CA10: variants seen among roughly 807,000 people sequenced by gnomAD.
The protein encoded by CA10 is carbonic anhydrase 10 (inactive).
Under a neutral mutation model 44.2 loss-of-function variants are expected in CA10, and 14 were observed. The ratio of observed to expected loss-of-function variants is 0.32; its 90% confidence interval spans 0.21 to 0.50. CA10 has a LOEUF of 0.50. Ranked by LOEUF, CA10 falls within the 20% of genes least tolerant of loss-of-function variation. The pLI is 0.99. For synonymous variants in CA10, 159 were observed against 141.6 expected (o/e 1.12, Z -0.87); for missense variants, 350 against 409.7 (o/e 0.85, Z 1.26).
At chr17:51,713,903 T>C (rs1056573339) in intron 4 of CA10, among the ~76,000 whole-genome samples, 4 of 152,238 alleles carry the variant, frequency 2.6e-5, no homozygotes, top group Admixed American at 2.6e-4. Context: ...TCCCTGGTAC[T>C]GACCTGATGT....
At chr17:51,996,328 A>C (rs1985233474) in intron 2 of CA10, among the ~76,000 whole-genome samples, 2 of 70,010 alleles carry the variant, frequency 2.9e-5, no homozygotes, top group Admixed American at 3.5e-4. Context: ...CTCCTTCAGA[A>C]ATAGCTCATA....
At chr17:52,137,283 A>G (rs1389879557) in intron 1 of CA10, among the ~76,000 whole-genome samples, 3 of 152,166 alleles carry the variant, frequency 2.0e-5, no homozygotes, top group Non-Finnish European at 4.4e-5. Context: ...GGGGAGAACA[A>G]CTATCCATTT....
Position 51,635,894 on chromosome 17 carries a change from C to A in CA10, c.750G>T (p.Trp250Cys), listed in dbSNP as rs1298400325. Reference sequence around the variant, plus strand: ...TATAGACAGGTTTGTTCATTATGATCCAACTTGCTGTCTCATAGCAGGGTG... The same window carrying A: ...TATAGACAGGTTTGTTCATTATGATACAACTTGCTGTCTCATAGCAGGGTG... ...TIPPCYETAS[W>C]IIMNKPVYIT... The change falls in exon 7 of 9, where the codon TGG becomes TGT. Residue 250 changes from tryptophan to cysteine, a missense_variant. By Grantham distance (215) the Trp-to-Cys change is radical. Transcript: ENST00000451037. 3 of 1,608,120 alleles carry A rather than the reference C, an allele frequency of 1.9e-6. No homozygotes were observed. The highest frequency in any genetic ancestry group is 2.6e-6 in the Non-Finnish European group (3 of 1,176,336).
chr17:51,863,268 A>G (rs1212961085), intron 3 of CA10, among the ~76,000 whole-genome samples: 1 of 152,228 alleles, frequency 6.6e-6, no homozygotes, highest in African/African-American at 2.4e-5. Flanking sequence ...GTTATTCCAT[A>G]CGCTGCTCTT....
intron 3 of CA10, among the ~76,000 whole-genome samples, chr17:51,752,947 A>G (rs904833898): frequency 6.6e-6 from 1 of 152,138 alleles, no homozygotes; most frequent in Non-Finnish European, 1.5e-5. Context: ...AAATAAAATA[A>G]AAAACAAGTA....
At position 52,048,044 on chromosome 17, in the gene CA10, T is replaced by TA. The variant is rs5820901; in HGVS notation, c.136+24274dup. ...TCCAATCTCCCACACCCACAAAAAT[T>TA]AAAAAAAAAAAAAACATTTGTTTTT... On this transcript the variant is annotated intron_variant, in intron 2 of 8. Transcript: ENST00000451037. Among the ~76,000 whole-genome samples the TA allele has an allele frequency of 1.3e-3, 191 of 149,508 alleles. 7 individuals are homozygous for TA. In the South Asian group the frequency reaches 0.024, roughly 19 times the overall value.
intron 3 of CA10, among the ~76,000 whole-genome samples, chr17:51,789,070 C>T (rs536406411): frequency 4.6e-5 from 7 of 152,208 alleles, no homozygotes; most frequent in Admixed American, 1.3e-4. Context: ...AGTGCAGTGG[C>T]GCGATCTCAG....
intron 2 of CA10, among the ~76,000 whole-genome samples, chr17:52,065,514 T>G (rs1275484407): frequency 6.6e-6 from 1 of 152,162 alleles, no homozygotes; most frequent in East Asian, 1.9e-4. Context: ...TGGGAAGAGA[T>G]AAGGTCCCTA....
intron 2 of CA10, among the ~76,000 whole-genome samples, chr17:52,010,092 A>T (rs1326955983): frequency 2.0e-5 from 3 of 152,114 alleles, no homozygotes; most frequent in South Asian, 2.1e-4. Context: ...TAAAAAAATT[A>T]AAAAATAATA....
intron 4 of CA10, among the ~76,000 whole-genome samples, chr17:51,657,387 T>A (rs1303130183): frequency 6.6e-6 from 1 of 152,216 alleles, no homozygotes; most frequent in Non-Finnish European, 1.5e-5. Context: ...TCACAGTTCC[T>A]GCAGCTGTTG....
rs147638502 is a variant in CA10 at position 52,134,934 on chromosome 17, T to C, written c.61+22792A>G. ...CATCAGGCTCTGTGAATCCACATCCTGAACGGCTCCTGATGCTGGCCATTG... is the reference window on the plus strand; with the variant it reads ...CATCAGGCTCTGTGAATCCACATCCCGAACGGCTCCTGATGCTGGCCATTG... On this transcript the variant is annotated intron_variant, in intron 1 of 8. Transcript: ENST00000451037. 101 of 519,090 alleles carry C rather than the reference T, an allele frequency of 1.9e-4. No individual in the cohort carries two copies. The East Asian group carries it at 5.2e-3, about 27-fold the overall frequency. 32.2% of individuals were successfully genotyped at this position (519,090 alleles called of 1,614,324 possible). A position where few individuals can be genotyped will look rare whatever the true frequency, so the allele number is the denominator to read the frequency against.
intron 3 of CA10, among the ~76,000 whole-genome samples, chr17:51,846,544 G>A (rs1045370622): frequency 6.6e-6 from 1 of 152,244 alleles, no homozygotes; most frequent in African/African-American, 2.4e-5. Context: ...TTTCACAAGT[G>A]AAGACACTGA....
At chr17:51,977,554 G>A (rs1240035846) in intron 2 of CA10, among the ~76,000 whole-genome samples, 1 of 151,980 alleles carries the variant, frequency 6.6e-6, no homozygotes, top group Non-Finnish European at 1.5e-5. Flanking sequence ...CTAATACAAT[G>A]TATCTGCTAA....
intron 5 of CA10, among the ~76,000 whole-genome samples, chr17:51,650,730 A>C (rs1445286272): frequency 1.3e-5 from 2 of 152,284 alleles, no homozygotes; most frequent in East Asian, 3.9e-4. Flanking sequence ...GCAGGTAAGG[A>C]ATCTGTTATG....
chr17:51,896,924 A>ATT (rs145204731), intron 3 of CA10, among the ~76,000 whole-genome samples: 4 of 149,722 alleles, frequency 2.7e-5, no homozygotes, highest in African/African-American at 7.3e-5. Context: ...CCACTTTTAA[A>ATT]TTTTTTTTTT....
intron 3 of CA10, among the ~76,000 whole-genome samples, chr17:51,793,215 G>A (rs1906587426): frequency 6.6e-6 from 1 of 152,198 alleles, no homozygotes. Context: ...AGGGGAATGG[G>A]GAGAATGCTG....
intron 1 of CA10, among the ~76,000 whole-genome samples, chr17:52,123,421 AT>A (rs1374621187): frequency 6.7e-6 from 1 of 149,242 alleles, no homozygotes; most frequent in African/African-American, 2.5e-5. Flanking sequence ...AAGTTGAAAA[AT>A]AATCCAGATC....
Position 51,813,717 on chromosome 17 carries a change from C to T in CA10, c.280-65899G>A, listed in dbSNP as rs114595494. ...CAGTGAGGGTGAAAGCTTTCCCCTC[C>T]GAATGGCTCCACTCCCACACTAGAA... On this transcript the variant is annotated intron_variant, in intron 3 of 8. Transcript: ENST00000451037. Among the ~76,000 whole-genome samples the T allele has an allele frequency of 5.9e-3, 895 of 152,236 alleles. 5 individuals carry two copies. Among genetic ancestry groups the T allele is most frequent in the African/African-American group, 0.02 (831 of 41,532 alleles).
At chr17:51,815,782 AGT>A (rs149094529) in intron 3 of CA10, among the ~76,000 whole-genome samples, 13 of 150,378 alleles carry the variant, frequency 8.6e-5, no homozygotes, top group East Asian at 3.9e-4. Context: ...GCAGGTACAC[AGT>A]GTGTGTGTGT....
Sources: gnomAD v4.1 joint callset for allele counts (sites outside exome capture counted in the v4.1 genomes callset) on GRCh38, gnomAD v4.1.1 for gene constraint, MANE v1.5 for transcripts, NCBI Gene and HGNC (gene_info 2026-07-23, HGNC 2026-07-21) for gene names.